KLHL32: variants seen among roughly 807,000 people sequenced by gnomAD.
KLHL32 encodes the protein kelch-like protein 32.
KLHL32 carries 35 observed loss-of-function variants against 64.8 expected under a neutral mutation model. The observed-to-expected ratio is 0.54, with a 90% confidence interval of 0.41 to 0.72. The LOEUF (loss-of-function observed/expected upper bound fraction) is 0.72. KLHL32 is among the 30% of genes least tolerant of loss of function. The pLI, the probability that KLHL32 is intolerant of heterozygous loss-of-function variation, is 0.00. For synonymous variants in KLHL32, 259 were observed against 281.0 expected (o/e 0.92, Z 0.78); for missense variants, 589 against 768.5 (o/e 0.77, Z 2.76).
chr6:97,052,891 A>G (rs1429167942), intron 4 of KLHL32, among the ~76,000 whole-genome samples: 4 of 152,216 alleles, frequency 2.6e-5, no homozygotes, highest in Non-Finnish European at 5.9e-5. Flanking sequence ...AAGTATTATC[A>G]AGCAAATCAT....
rs1198115568 is a variant in KLHL32 at position 97,122,252 on chromosome 6, T to C, written c.1355-5152T>C. Among the ~76,000 whole-genome samples the C allele has an allele frequency of 2.0e-5, 3 of 152,220 alleles. No homozygotes were observed. In the South Asian group the frequency reaches 6.2e-4, roughly 32 times the overall value. The stretch of plus-strand genomic sequence containing the variant: ...CCTGCCTTTATAGGTATTTTGTAAA[T>C]TAGAGACTTTGCAGGTTTTGAGTAT... On this transcript the variant is annotated intron_variant, in intron 7 of 10. Coordinates refer to ENST00000369261, the MANE Select transcript of KLHL32 (RefSeq NM_052904.4).
chr6:97,013,210 A>T (rs1273078814), intron 3 of KLHL32, among the ~76,000 whole-genome samples: 1 of 152,228 alleles, frequency 6.6e-6, no homozygotes, highest in Non-Finnish European at 1.5e-5. Context: ...TGCACATCAT[A>T]GAAGATGCAG....
intron 3 of KLHL32, among the ~76,000 whole-genome samples, chr6:97,000,229 G>A (rs772244452): frequency 2.6e-5 from 4 of 152,076 alleles, no homozygotes; most frequent in Admixed American, 2.0e-4. Flanking sequence ...GGGAAAGGAA[G>A]GCTAACTCTA....
At chr6:96,968,144 T>C (rs1774677015) in intron 2 of KLHL32, among the ~76,000 whole-genome samples, 1 of 152,210 alleles carries the variant, frequency 6.6e-6, no homozygotes, top group Non-Finnish European at 1.5e-5. Context: ...GTGACATTGC[T>C]GTAGCAGGTG....
the KLHL32 span, among the ~76,000 whole-genome samples, chr6:96,916,263 A>T: frequency 6.6e-6 from 1 of 152,178 alleles, no homozygotes; most frequent in African/African-American, 2.4e-5. Context: ...ATTGGCCAAA[A>T]CTCAGATATT....
At chr6:97,036,226 G>A (rs968989042) in intron 3 of KLHL32, among the ~76,000 whole-genome samples, 6 of 151,878 alleles carry the variant, frequency 4.0e-5, no homozygotes, top group African/African-American at 1.5e-4. Context: ...TTTCATTTAT[G>A]TATTACATAA....
At chr6:97,099,365 T>C (rs562594663) in intron 6 of KLHL32, among the ~76,000 whole-genome samples, 89 of 152,254 alleles carry the variant, frequency 5.8e-4, no homozygotes, top group Non-Finnish European at 1.0e-3. Context: ...CAGTGTGGCC[T>C]TCTCTATCTT....
At chr6:97,026,055 T>G (rs1285297469) in intron 3 of KLHL32, among the ~76,000 whole-genome samples, 1 of 152,026 alleles carries the variant, frequency 6.6e-6, no homozygotes, top group African/African-American at 2.4e-5. Context: ...ATGGGTAATA[T>G]GTAAAATATA....
intron 3 of KLHL32, among the ~76,000 whole-genome samples, chr6:96,995,474 C>T (rs1778312920): frequency 6.6e-6 from 1 of 152,204 alleles, no homozygotes; most frequent in Non-Finnish European, 1.5e-5. Context: ...GACTAACTTT[C>T]CCTTCCTGCT....
chr6:97,125,497 C>G (rs1798777059), intron 7 of KLHL32, among the ~76,000 whole-genome samples: 1 of 152,194 alleles, frequency 6.6e-6, no homozygotes, highest in Non-Finnish European at 1.5e-5. Flanking sequence ...AGTCTGAAAT[C>G]AATTCTATTA....
At chr6:96,967,815 T>C (rs1774632676) in intron 2 of KLHL32, among the ~76,000 whole-genome samples, 1 of 152,126 alleles carries the variant, frequency 6.6e-6, no homozygotes, top group Non-Finnish European at 1.5e-5. Context: ...GAAAATGCCT[T>C]CCTGAGAAAG....
chr6:97,127,549 A>G (rs758824304), intron 8 of KLHL32, 87 bp downstream of exon 8: 13 of 1,010,436 alleles, frequency 1.3e-5, no homozygotes, highest in Non-Finnish European at 1.7e-5. Context: ...TGCCAAGTGT[A>G]CACACACAGA....
At chr6:97,136,948 G>A (rs1383630167) in intron 10 of KLHL32, among the ~76,000 whole-genome samples, 5 of 152,162 alleles carry the variant, frequency 3.3e-5, no homozygotes, top group South Asian at 2.1e-4. Flanking sequence ...TCTGGGTTGC[G>A]TCTTGAGCTC....
chr6:96,936,537 G>A (rs1770624679), intron 1 of KLHL32, among the ~76,000 whole-genome samples: 1 of 152,090 alleles, frequency 6.6e-6, no homozygotes, highest in South Asian at 2.1e-4. Flanking sequence ...AAATTCTGTT[G>A]GCTCTACCTT....
chr6:97,049,138 T>A (rs1786416390), intron 4 of KLHL32, among the ~76,000 whole-genome samples: 3 of 152,220 alleles, frequency 2.0e-5, no homozygotes, highest in African/African-American at 7.2e-5. Flanking sequence ...CCAAACCCTA[T>A]ATATACTATG....
chr6:97,025,395 C>T (rs1782581298), intron 3 of KLHL32, among the ~76,000 whole-genome samples: 1 of 152,174 alleles, frequency 6.6e-6, no homozygotes, highest in South Asian at 2.1e-4. Flanking sequence ...ATTTTCATAT[C>T]AAATCATTCA....
At chr6:97,030,791 T>C (rs1783428711) in intron 3 of KLHL32, among the ~76,000 whole-genome samples, 1 of 152,240 alleles carries the variant, frequency 6.6e-6, no homozygotes, top group South Asian at 2.1e-4. Context: ...CATTTTGGTA[T>C]CTAAAACACC....
intron 3 of KLHL32, among the ~76,000 whole-genome samples, chr6:96,995,494 C>T (rs780745561): frequency 6.6e-6 from 1 of 152,154 alleles, no homozygotes; most frequent in Non-Finnish European, 1.5e-5. Context: ...TAAGGTATTC[C>T]TGAGCCCCTC....
chr6:97,060,236 G>GA (rs917046370), intron 4 of KLHL32, among the ~76,000 whole-genome samples: 11 of 150,552 alleles, frequency 7.3e-5, no homozygotes, highest in Non-Finnish European at 7.4e-5. Flanking sequence ...ACAGGCAGGA[G>GA]AAAAAAAAAG....
Sources: allele counts gnomAD v4.1 joint callset (sites outside exome capture counted in the v4.1 genomes callset), GRCh38; gene constraint gnomAD v4.1.1; transcripts MANE v1.5; gene names NCBI Gene and HGNC (gene_info 2026-07-23, HGNC 2026-07-21).